CANX: variants seen among roughly 807,000 people sequenced by gnomAD.
CANX encodes epididymis secretory sperm binding protein.
CANX carries 14 observed loss-of-function variants against 75.7 expected under a neutral mutation model. The ratio of observed to expected loss-of-function variants is 0.19; its 90% CI spans 0.12 to 0.29. The LOEUF (loss-of-function observed/expected upper bound fraction) is 0.29. Among genes scored for constraint, CANX ranks in the 10% least tolerant of loss-of-function variants. The pLI is 1.00. For synonymous variants in CANX, 227 were observed against 236.9 expected (o/e 0.96, Z 0.38); for missense variants, 567 against 713.2 (o/e 0.79, Z 2.34).
At chr5:179,704,816 A>G (rs1777018301) in intron 1 of CANX, among the ~76,000 whole-genome samples, 1 of 152,176 alleles carries the variant, frequency 6.6e-6, no homozygotes, top group Non-Finnish European at 1.5e-5. Context: ...AGCCTGGGCG[A>G]CAGAGGGAGA....
rs377264226 is a variant in CANX at position 179,708,215 on chromosome 5, G to A, written c.305-24G>A. 9 of 1,610,476 alleles carry A rather than the reference G, an allele frequency of 5.6e-6. No individual in the cohort carries two copies. In the African/African-American group the frequency reaches 8.0e-5, roughly 14 times the overall value. On this transcript the variant is annotated intron_variant, in intron 4 of 14. Coordinates refer to ENST00000247461, the MANE Select transcript of CANX (RefSeq NM_001746.4). The stretch of plus-strand genomic sequence containing the variant: ...CCTTCAGAGGTAGAGTTAAGCAGTG[G>A]AACTTTTTTGTGTTGTCTTGTAGGA...
intron 6 of CANX, 141 bp downstream of exon 6, chr5:179,709,200 G>T (rs1320732203): frequency 1.7e-6 from 1 of 596,392 alleles, no homozygotes; most frequent in Non-Finnish European, 3.1e-6. Flanking sequence ...CGGATCACGA[G>T]GTCAGGAGAT....
At chr5:179,704,999 A>AT (rs1036138043) in intron 1 of CANX, among the ~76,000 whole-genome samples, 2,641 of 148,558 alleles carry the variant, frequency 0.018, 76 homozygotes, top group African/African-American at 0.058. Context: ...TTCTGTGTTA[A>AT]TTTTTTTTTT....
intron 1 of CANX, among the ~76,000 whole-genome samples, chr5:179,687,906 A>G (rs905815659): frequency 9.9e-5 from 15 of 151,124 alleles, no homozygotes; most frequent in Admixed American, 9.9e-4. Flanking sequence ...GTGGTGGCGC[A>G]CACCTGTGGT....
At chr5:179,710,441 C>T (rs1462726275) in intron 7 of CANX, among the ~76,000 whole-genome samples, 3 of 148,058 alleles carry the variant, frequency 2.0e-5, no homozygotes, top group Admixed American at 1.4e-4. Context: ...GGCGCGGTGG[C>T]TCACACCTGT....
At chr5:179,681,944 TAAA>T (rs58981244) in intron 1 of CANX, among the ~76,000 whole-genome samples, 40 of 125,296 alleles carry the variant, frequency 3.2e-4, no homozygotes, top group Admixed American at 5.0e-4. Context: ...ACCCTGTGTT[TAAA>T]AAAAAAAAAA....
intron 9 of CANX, 152 bp from the exon 10 acceptor site, chr5:179,720,252 C>T: frequency 1.3e-5 from 6 of 461,856 alleles, no homozygotes; most frequent in South Asian, 1.3e-4. Context: ...TAAATTTTTC[C>T]TGAAAAACTG....
At chr5:179,695,573 C>T (rs576264259), upstream of CANX, among the ~76,000 whole-genome samples, 2 of 152,192 alleles carry the variant, frequency 1.3e-5, no homozygotes, top group Non-Finnish European at 2.9e-5. Flanking sequence ...AGGTGATCCA[C>T]CCGCCTTGGC....
At chr5:179,721,476 G>A (rs1562509081) in intron 10 of CANX, among the ~76,000 whole-genome samples, 1 of 152,170 alleles carries the variant, frequency 6.6e-6, no homozygotes, top group African/African-American at 2.4e-5. Context: ...CTGCTCTTGG[G>A]TGCTAGGGTT....
chr5:179,713,489 T>G (rs560008186), intron 7 of CANX, among the ~76,000 whole-genome samples: 19 of 152,300 alleles, frequency 1.2e-4, no homozygotes, highest in African/African-American at 4.6e-4. Context: ...GACAAGTTGG[T>G]TAATTGGTAC....
At chr5:179,701,191 T>C (rs1016930072) in intron 1 of CANX, among the ~76,000 whole-genome samples, 5 of 152,264 alleles carry the variant, frequency 3.3e-5, no homozygotes, top group Middle Eastern at 3.4e-3. Context: ...TGTCCCACTT[T>C]GGTTTCCGTA....
intron 4 of CANX, among the ~76,000 whole-genome samples, chr5:179,707,910 C>T (rs1442634043): frequency 6.6e-6 from 1 of 152,102 alleles, no homozygotes; most frequent in African/African-American, 2.4e-5. Flanking sequence ...GATCTTGGCT[C>T]ACCGCAACCT....
intron 13 of CANX, 70 bp downstream of exon 13, chr5:179,724,853 A>G (rs549439372): frequency 2.0e-6 from 3 of 1,520,504 alleles, no homozygotes; most frequent in African/African-American, 1.4e-5. Flanking sequence ...TTTACAGTCA[A>G]GTTAAGGATT....
chr5:179,720,639 C>T, intron 10 of CANX, 79 bp downstream of exon 10: 1 of 1,335,368 alleles, frequency 7.5e-7, no homozygotes, highest in African/African-American at 1.5e-5. Context: ...AGTAAGGCTG[C>T]CAGGTTGGTC....
chr5:179,702,574 T>G (rs1267009107), intron 1 of CANX, among the ~76,000 whole-genome samples: 1 of 152,168 alleles, frequency 6.6e-6, no homozygotes, highest in Non-Finnish European at 1.5e-5. Flanking sequence ...ATGCCACATA[T>G]GGTTTAATCA....
intron 7 of CANX, among the ~76,000 whole-genome samples, chr5:179,714,429 C>A (rs1230717943): frequency 6.6e-6 from 1 of 152,222 alleles, no homozygotes; most frequent in Non-Finnish European, 1.5e-5. Context: ...TTATCTTAAA[C>A]ATCAGCATTG....
upstream of CANX, chr5:179,698,893 G>T: frequency 1.7e-6 from 2 of 1,154,768 alleles, no homozygotes; most frequent in Non-Finnish European, 2.2e-6. Flanking sequence ...GGGACTTGGC[G>T]CCGGCTGTGG....
At chr5:179,694,670 A>T, upstream of CANX, 1 of 758,254 alleles carries the variant, frequency 1.3e-6, no homozygotes, top group Non-Finnish European at 2.3e-6. Flanking sequence ...CTAAGTCGAA[A>T]GGGAAGTTTG....
At chr5:179,723,631 CTT>C in intron 11 of CANX, 27 bp from the exon 12 acceptor site, 1 of 1,604,712 alleles carries the variant, frequency 6.2e-7, no homozygotes, top group East Asian at 2.2e-5. Context: ...AAAGCTGGAA[CTT>C]TCAATCAGCC....
Sources: gnomAD v4.1 joint callset for allele counts (sites outside exome capture counted in the v4.1 genomes callset) on GRCh38, gnomAD v4.1.1 for gene constraint, MANE v1.5 for transcripts, NCBI Gene and HGNC (gene_info 2026-07-23, HGNC 2026-07-21) for gene names.